Variants in AGMO observed in about 807,000 individuals in gnomAD.
The protein encoded by AGMO is glyceryl-ether monooxygenase.
A neutral mutation model predicts 60.2 loss-of-function variants in AGMO; 75 were observed. The ratio of observed to expected loss-of-function variants is 1.25; its 90% confidence interval spans 1.03 to 1.51. The LOEUF is 1.51. Ranked by LOEUF, AGMO falls within the 40% of genes most tolerant of loss-of-function variation. AGMO has a pLI of 0.00. For synonymous variants in AGMO, 261 were observed against 177.1 expected (o/e 1.47, Z -3.76); for missense variants, 763 against 525.5 (o/e 1.45, Z -4.42).
chr7:15,126,361 G>T, the AGMO span, among the ~76,000 whole-genome samples: 2 of 152,020 alleles, frequency 1.3e-5, no homozygotes, highest in African/African-American at 4.8e-5. Flanking sequence ...AAATTTATAT[G>T]AATCATAGAG....
chr7:15,415,769 A>T (rs913593535), intron 5 of AGMO, among the ~76,000 whole-genome samples: 5 of 152,158 alleles, frequency 3.3e-5, no homozygotes, highest in African/African-American at 7.2e-5. Flanking sequence ...ATCTAAAAAA[A>T]TACTTAAAAC....
chr7:15,551,076 A>T (rs1305454826), intron 2 of AGMO, among the ~76,000 whole-genome samples: 3 of 151,972 alleles, frequency 2.0e-5, no homozygotes, highest in Non-Finnish European at 4.4e-5. Context: ...CCACATGATT[A>T]TCTCAATAGA....
At chr7:15,377,218 A>T (rs771327973) in intron 10 of AGMO, among the ~76,000 whole-genome samples, 1 of 152,124 alleles carries the variant, frequency 6.6e-6, no homozygotes, top group Non-Finnish European at 1.5e-5. Context: ...CTAGTCACAC[A>T]GCATGTTCTC....
chr7:15,530,974 C>T (rs1345550272), intron 3 of AGMO, among the ~76,000 whole-genome samples: 1 of 107,068 alleles, frequency 9.3e-6, no homozygotes, highest in Non-Finnish European at 1.8e-5. Flanking sequence ...TATATATATT[C>T]TATATGTATA....
chr7:15,191,175 A>G, the AGMO span, among the ~76,000 whole-genome samples: 1 of 152,228 alleles, frequency 6.6e-6, no homozygotes, highest in Admixed American at 6.5e-5. Context: ...AATAAATAGA[A>G]AAAGGACAGT....
intron 12 of AGMO, among the ~76,000 whole-genome samples, chr7:15,255,407 A>T (rs1783065941): frequency 6.6e-6 from 1 of 151,936 alleles, no homozygotes; most frequent in Non-Finnish European, 1.5e-5. Context: ...CGAATTGTAC[A>T]AAACATTTAA....
At chr7:15,523,001 A>C (rs2128536612) in intron 3 of AGMO, among the ~76,000 whole-genome samples, 1 of 152,306 alleles carries the variant, frequency 6.6e-6, no homozygotes, top group African/African-American at 2.4e-5. Flanking sequence ...AATTTACAAG[A>C]AAAAAACAAC....
the AGMO span, among the ~76,000 whole-genome samples, chr7:15,177,552 A>C: frequency 7.9e-5 from 12 of 152,230 alleles, no homozygotes; most frequent in Admixed American, 5.9e-4. Context: ...TTCTGGTAGG[A>C]AAGTAACAGG....
chr7:15,229,988 C>A (rs1003127673), intron 12 of AGMO, among the ~76,000 whole-genome samples: 3 of 151,530 alleles, frequency 2.0e-5, no homozygotes, highest in South Asian at 2.1e-4. Context: ...CATTTTAATT[C>A]ATTGAAACAA....
chr7:15,555,869 T>G (rs942035830), intron 2 of AGMO, among the ~76,000 whole-genome samples: 2 of 152,032 alleles, frequency 1.3e-5, no homozygotes, highest in South Asian at 2.1e-4. Context: ...AAATGAGACA[T>G]TCTCTCAAAT....
intron 12 of AGMO, among the ~76,000 whole-genome samples, chr7:15,216,510 A>T: frequency 6.6e-6 from 1 of 152,230 alleles, no homozygotes; most frequent in South Asian, 2.1e-4. Flanking sequence ...ACGGTCAAAG[A>T]ATAAGCCAAA....
intron 12 of AGMO, among the ~76,000 whole-genome samples, chr7:15,344,446 T>C (rs557629458): frequency 1.3e-5 from 2 of 152,318 alleles, no homozygotes; most frequent in South Asian, 4.1e-4. Context: ...ACTCCTGTAA[T>C]GCCAGCACTT....
chr7:15,261,451 G>A (rs1257673450), intron 12 of AGMO, among the ~76,000 whole-genome samples: 1 of 151,888 alleles, frequency 6.6e-6, no homozygotes. Context: ...GAATAAACCA[G>A]GAAGATATAG....
chr7:15,320,940 A>G (rs1781090732), intron 12 of AGMO, among the ~76,000 whole-genome samples: 1 of 152,186 alleles, frequency 6.6e-6, no homozygotes, highest in Non-Finnish European at 1.5e-5. Flanking sequence ...TAAGGGTTTC[A>G]GCAAATTGTC....
intron 12 of AGMO, among the ~76,000 whole-genome samples, chr7:15,279,268 G>C (rs1309189093): frequency 6.6e-6 from 1 of 152,092 alleles, no homozygotes; most frequent in Non-Finnish European, 1.5e-5. Context: ...CTGTGCACTG[G>C]TCCCAGCTCA....
At chr7:15,517,838 G>C (rs181411269) in intron 3 of AGMO, among the ~76,000 whole-genome samples, 1 of 152,040 alleles carries the variant, frequency 6.6e-6, no homozygotes, top group Non-Finnish European at 1.5e-5. Context: ...CACTTCCCTG[G>C]AAAGGGAGCT....
intron 11 of AGMO, among the ~76,000 whole-genome samples, chr7:15,365,852 G>C (rs1258069077): frequency 6.6e-6 from 1 of 151,966 alleles, no homozygotes; most frequent in East Asian, 1.9e-4. Context: ...GATGAGTTAT[G>C]AAGTTTATTT....
chr7:15,186,682 T>TA, the AGMO span, among the ~76,000 whole-genome samples: 2 of 152,190 alleles, frequency 1.3e-5, no homozygotes, highest in South Asian at 2.1e-4. Context: ...TTATAGCTCT[T>TA]AGAGTTCTTA....
At chr7:15,544,952 T>C (rs1370956118) in intron 2 of AGMO, 29 bp from the exon 3 acceptor site, 3 of 1,425,582 alleles carry the variant, frequency 2.1e-6, no homozygotes, top group Middle Eastern at 1.9e-4. Context: ...AATCAGTGAT[T>C]ATATAACATT....
Sources: gnomAD v4.1 joint callset for allele counts (sites outside exome capture counted in the v4.1 genomes callset) on GRCh38, gnomAD v4.1.1 for gene constraint, MANE v1.5 for transcripts, NCBI Gene and HGNC (gene_info 2026-07-23, HGNC 2026-07-21) for gene names.